Variants in ARHGEF33 observed in about 807,000 individuals in gnomAD.
ARHGEF33 encodes the protein Rho guanine nucleotide exchange factor 33, also known as DH and coiled-coil domain-containing protein ENSP00000381780.
A neutral mutation model predicts 101.9 loss-of-function variants in ARHGEF33; 72 were observed. The ratio of observed to expected loss-of-function variants is 0.71; its 90% confidence interval spans 0.58 to 0.86. ARHGEF33 has a LOEUF of 0.86. Ranked by LOEUF, ARHGEF33 falls within the 40% of genes least tolerant of loss-of-function variation. The probability of loss-of-function intolerance (pLI) is 0.00; values close to 1 mark genes in which losing one functional copy is unlikely to be tolerated. For missense variants in ARHGEF33, 1,169 were observed against 1,111.3 expected (o/e 1.05, Z -0.74); for synonymous variants, 499 against 442.5 (o/e 1.13, Z -1.60).
chr2:38,931,717 C>T (rs1017955056), intron 7 of ARHGEF33, among the ~76,000 whole-genome samples: 5 of 152,012 alleles, frequency 3.3e-5, no homozygotes, highest in South Asian at 2.1e-4. Flanking sequence ...AAAATGGTAC[C>T]GAAGAAACTG....
chr2:38,962,049 C>T (rs1012551949), intron 16 of ARHGEF33, among the ~76,000 whole-genome samples: 1 of 152,134 alleles, frequency 6.6e-6, no homozygotes, highest in Admixed American at 6.5e-5. Context: ...GTGTCTGGTC[C>T]CTGCAGAGGA....
intron 17 of ARHGEF33, among the ~76,000 whole-genome samples, chr2:38,968,036 T>C (rs549944543): frequency 4.6e-5 from 7 of 151,540 alleles, no homozygotes; most frequent in Non-Finnish European, 8.8e-5. Context: ...GTGCTGTCTA[T>C]TGGAAAACAA....
intron 4 of ARHGEF33, among the ~76,000 whole-genome samples, chr2:38,924,607 T>G (rs966084111): frequency 6.6e-6 from 1 of 152,186 alleles, no homozygotes; most frequent in Non-Finnish European, 1.5e-5. Context: ...TTCTTGTATT[T>G]CTATTGTTTT....
rs1293856656 is a variant in ARHGEF33, at chr2:38,953,160, A to G, written c.1054-2A>G. On this transcript the variant is annotated splice_acceptor_variant, in intron 11 of 17. Transcript: ENST00000409978. LOFTEE classifies it high-confidence loss of function. ...CCATGCATTTTTGTGTTTGTTTTAA[A>G]GAATAATTTCTTGGATTATTATGTT... 1 of 1,456,168 alleles carries G rather than the reference A, an allele frequency of 6.9e-7. No individual in the cohort carries two copies. Among genetic ancestry groups the G allele is most frequent in the Non-Finnish European group, 9.4e-7 (1 of 1,059,666 alleles). The allele number at this position is 1,456,168 out of a possible 1,614,324, so 90.2% of individuals were successfully genotyped here.
chr2:38,929,384 C>T (rs532795795), intron 5 of ARHGEF33, among the ~76,000 whole-genome samples: 32 of 151,752 alleles, frequency 2.1e-4, no homozygotes, highest in African/African-American at 3.9e-4. Context: ...GCTGAGATCA[C>T]GCCACTGCAC....
rs1344363122 is a variant in ARHGEF33 at position 38,960,465 on chromosome 2, C to T, written c.2160C>T (p.Gly720=). ...TCCCGCGTGCGCCGCCAGCCGACGG[C>T]GTGGCCCCACGCCTCTACAGCACGC... The part of the protein sequence containing the change: ...KEFPRAPPAD[G]VAPRLYSTRS... Residue 720 remains glycine (G), a synonymous_variant, in exon 16 of 18, where the codon GGC becomes GGT. Transcript: ENST00000409978. The T allele has an allele frequency of 8.0e-6, 12 of 1,492,492 alleles. No homozygotes were observed. The highest frequency in any genetic ancestry group is 2.9e-5 in the African/African-American group (2 of 68,438). The allele number at this position is 1,492,492 out of a possible 1,614,324, so 92.5% of individuals were successfully genotyped here.
intron 11 of ARHGEF33, 59 bp downstream of exon 11, chr2:38,951,180 C>G: frequency 2.7e-6 from 4 of 1,494,538 alleles, no homozygotes; most frequent in Non-Finnish European, 3.6e-6. Context: ...TCTCATTTGT[C>G]TACTTCTCTT....
chr2:38,961,336 TGAG>T (rs1341563567), intron 16 of ARHGEF33, among the ~76,000 whole-genome samples: 7 of 152,172 alleles, frequency 4.6e-5, no homozygotes, highest in Non-Finnish European at 1.0e-4. Context: ...CAGTGAATGT[TGAG>T]GTATTCTGAT....
At chr2:38,894,291 C>T (rs1318696051) in intron 1 of ARHGEF33, among the ~76,000 whole-genome samples, 1 of 151,792 alleles carries the variant, frequency 6.6e-6, no homozygotes, top group African/African-American at 2.4e-5. Context: ...ACAATCACAC[C>T]ACTGCACTCC....
chr2:38,918,852 G>A (rs143863393), intron 2 of ARHGEF33, among the ~76,000 whole-genome samples: 306 of 139,630 alleles, frequency 2.2e-3, no homozygotes, highest in Non-Finnish European at 3.5e-3. Context: ...AACAACCTGG[G>A]CAACATAGGG....
In ARHGEF33 at chr2:38,973,946, A is replaced by G. The variant is rs1321912844; in HGVS notation, c.*103A>G. ...TATATCTATATCTATATATATATAT[A>G]TATCGATGTATAAATCCCTGAGGAA... On this transcript the variant is annotated 3_prime_UTR_variant, in exon 18 of 18. Coordinates refer to ENST00000409978, the MANE Select transcript of ARHGEF33 (RefSeq NM_001145451.5). The G allele has an allele frequency of 1.1e-5, 8 of 711,010 alleles. No individual in the cohort carries two copies. The highest frequency in any genetic ancestry group is 1.9e-5 in the African/African-American group (1 of 51,950). The allele number at this position is 711,010 out of a possible 1,614,324, so 44.0% of individuals were successfully genotyped here.
intron 13 of ARHGEF33, among the ~76,000 whole-genome samples, chr2:38,956,585 T>C (rs1363183605): frequency 2.0e-5 from 3 of 152,212 alleles, no homozygotes; most frequent in African/African-American, 4.8e-5. Flanking sequence ...GCACTACTTA[T>C]AGACAGTAAT....
chr2:38,956,393 C>T (rs1667768126), intron 13 of ARHGEF33, among the ~76,000 whole-genome samples: 1 of 152,190 alleles, frequency 6.6e-6, no homozygotes, highest in Non-Finnish European at 1.5e-5. Flanking sequence ...GGCTTACTAC[C>T]TGGCAATAGG....
chr2:38,973,954 G>A lies in ARHGEF33; in HGVS notation c.*111G>A, dbSNP rs191032578. The A allele has an allele frequency of 2.8e-3, 1,881 of 677,868 alleles. 5 individuals are homozygous for A. Among genetic ancestry groups the A allele is most frequent in the Non-Finnish European group, 3.5e-3 (1,793 of 519,082 alleles). 42.0% of individuals were successfully genotyped at this position (677,868 alleles called of 1,614,324 possible). On this transcript the variant is annotated 3_prime_UTR_variant, in exon 18 of 18. Coordinates refer to ENST00000409978, the MANE Select transcript of ARHGEF33 (RefSeq NM_001145451.5). ...TATCTATATATATATATATATCGAT[G>A]TATAAATCCCTGAGGAAAACTAATA...
intron 17 of ARHGEF33, chr2:38,971,803 TA>T (rs1323632233): frequency 9.7e-6 from 7 of 718,160 alleles, no homozygotes; most frequent in Admixed American, 2.0e-5. Context: ...GAAGAGCAGT[TA>T]AAAAAATTTA....
chr2:38,937,474 A>C lies in ARHGEF33; in HGVS notation c.705A>C (p.Thr235=), dbSNP rs1327608900. 6 of 1,551,108 alleles carry C rather than the reference A, an allele frequency of 3.9e-6. No individual in the cohort carries two copies. Among genetic ancestry groups the C allele is most frequent in the Admixed American group, 3.9e-5 (2 of 50,980 alleles). ...DGKEWGEEYV[T]KDHPDKLKEA... is the part of the protein sequence containing the mutation. ...AAGAATGGGGTGAAGAATACGTCAC[A>C]AAAGACCACCCAGATAAACTCAAGG... Residue 235 remains threonine, a synonymous_variant, in exon 9 of 18, where the codon ACA becomes ACC. Transcript: ENST00000409978.
At chr2:38,953,915 A>G (rs1046587375) in intron 12 of ARHGEF33, among the ~76,000 whole-genome samples, 1 of 152,238 alleles carries the variant, frequency 6.6e-6, no homozygotes, top group Non-Finnish European at 1.5e-5. Context: ...GGACACAGAG[A>G]AAGTGCAGCA....
intron 2 of ARHGEF33, among the ~76,000 whole-genome samples, chr2:38,918,877 C>CAAAAAA (rs1181241601): frequency 3.9e-5 from 2 of 51,254 alleles, no homozygotes; most frequent in Admixed American, 2.0e-4. Context: ...CCCATCTCTA[C>CAAAAAA]AAAAAAAAAA....
intron 17 of ARHGEF33, among the ~76,000 whole-genome samples, chr2:38,972,365 G>C (rs774144487): frequency 1.9e-4 from 29 of 152,112 alleles, no homozygotes; most frequent in Non-Finnish European, 3.7e-4. Flanking sequence ...TTCCTGAAAA[G>C]GAAGAGAACC....
Sources: allele counts gnomAD v4.1 joint callset (sites outside exome capture counted in the v4.1 genomes callset), GRCh38; gene constraint gnomAD v4.1.1; transcripts MANE v1.5; gene names NCBI Gene and HGNC (gene_info 2026-07-23, HGNC 2026-07-21).